ANTXR2: variants seen among roughly 807,000 people sequenced by gnomAD.
ANTXR2 encodes the protein ANTXR cell adhesion molecule 2.
In ANTXR2, 44 loss-of-function variants were observed where a neutral mutation model predicts 73.7. That is an observed-to-expected ratio of 0.60 (90% CI 0.47 to 0.77). The LOEUF (loss-of-function observed/expected upper bound fraction) is 0.77. Among genes scored for constraint, ANTXR2 ranks in the 30% least tolerant of loss-of-function variants. The pLI is 0.00. For missense variants in ANTXR2, 604 were observed against 592.5 expected, an observed-to-expected ratio of 1.02 and a Z score of -0.20; for synonymous variants, 217 against 205.9, an observed-to-expected ratio of 1.05 and a Z score of -0.46.
chr4:80,015,921 GAA>G (rs753095421), intron 11 of ANTXR2, among the ~76,000 whole-genome samples: 668 of 24,702 alleles, frequency 0.027, 8 homozygotes, highest in African/African-American at 0.042. Flanking sequence ...GAAAGGAAAG[GAA>G]AAAGGAAAGG....
At chr4:79,992,096 C>T (rs777764976) in intron 12 of ANTXR2, among the ~76,000 whole-genome samples, 5 of 151,720 alleles carry the variant, frequency 3.3e-5, no homozygotes, top group Admixed American at 6.6e-5. Flanking sequence ...GTACATGTAC[C>T]CCTGAACCTA....
At chr4:79,979,987 A>C (rs1277872499) in intron 14 of ANTXR2, among the ~76,000 whole-genome samples, 1 of 152,162 alleles carries the variant, frequency 6.6e-6, no homozygotes, top group Non-Finnish European at 1.5e-5. Flanking sequence ...TCTCTCGCCT[A>C]TGTTTCACAG....
intron 10 of ANTXR2, among the ~76,000 whole-genome samples, chr4:80,020,555 ATAG>A (rs1212284446): frequency 6.6e-6 from 1 of 152,178 alleles, no homozygotes; most frequent in East Asian, 1.9e-4. Context: ...CTTGAAGTAA[ATAG>A]TAGTTTCACA....
chr4:79,963,160 T>C (rs936487447), intron 16 of ANTXR2, among the ~76,000 whole-genome samples: 20 of 152,166 alleles, frequency 1.3e-4, no homozygotes, highest in South Asian at 2.1e-4. Context: ...CTTGAGAAGG[T>C]TGTAATCATT....
intron 16 of ANTXR2, among the ~76,000 whole-genome samples, chr4:79,976,102 C>T (rs963213081): frequency 9.4e-4 from 143 of 151,842 alleles, no homozygotes; most frequent in Middle Eastern, 3.4e-3. Context: ...TTAGTAGAGA[C>T]GGGGTTTCTC....
At chr4:79,918,299 T>G (rs554532127) in intron 16 of ANTXR2, among the ~76,000 whole-genome samples, 4 of 151,990 alleles carry the variant, frequency 2.6e-5, no homozygotes, top group African/African-American at 9.6e-5. Flanking sequence ...ACTTGAAAAA[T>G]AAATGCTCAG....
At chr4:79,956,963 G>A (rs773890757) in intron 16 of ANTXR2, among the ~76,000 whole-genome samples, 20 of 152,010 alleles carry the variant, frequency 1.3e-4, no homozygotes, top group Admixed American at 2.6e-4. Context: ...TAGGAAAAAA[G>A]TGTTCTTTCA....
intron 11 of ANTXR2, among the ~76,000 whole-genome samples, chr4:80,017,822 A>C (rs1053768039): frequency 1.3e-4 from 20 of 152,284 alleles, no homozygotes; most frequent in African/African-American, 4.8e-4. Context: ...AAATTGCAAC[A>C]TGCGCTAGAA....
At chr4:79,951,562 A>T (rs914603597) in intron 16 of ANTXR2, among the ~76,000 whole-genome samples, 8 of 150,842 alleles carry the variant, frequency 5.3e-5, no homozygotes, top group African/African-American at 1.9e-4. Context: ...GGGGACAGAG[A>T]GAGACTCTAT....
At chr4:79,919,058 C>G (rs1727466301) in intron 16 of ANTXR2, among the ~76,000 whole-genome samples, 1 of 151,522 alleles carries the variant, frequency 6.6e-6, no homozygotes, top group South Asian at 2.1e-4. Flanking sequence ...AAAAAGATAA[C>G]AGAGGAGATA....
chr4:79,920,718 C>G (rs1191083617), intron 16 of ANTXR2, among the ~76,000 whole-genome samples: 1 of 152,112 alleles, frequency 6.6e-6, no homozygotes, highest in East Asian at 1.9e-4. Context: ...TCTTACTATA[C>G]AAAGCCTGGT....
chr4:79,995,162 T>C (rs945284735), intron 12 of ANTXR2, among the ~76,000 whole-genome samples: 1 of 152,038 alleles, frequency 6.6e-6, no homozygotes, highest in African/African-American at 2.4e-5. Context: ...TATATGTTGA[T>C]TTTGTAATTT....
intron 12 of ANTXR2, among the ~76,000 whole-genome samples, chr4:79,989,994 A>C (rs2110028826): frequency 6.6e-6 from 1 of 152,074 alleles, no homozygotes; most frequent in South Asian, 2.1e-4. Context: ...AATAGTAAGA[A>C]CCATCTATGA....
In ANTXR2 at chr4:79,983,806, T is replaced by G. The variant is rs540548481; in HGVS notation, c.1179+72A>C. ...TATAATATTGAATTGTGAAAAGTAGTTTCTATGGCTTAATAGCCCTAGAAA... is the reference window on the plus strand; with the variant it reads ...TATAATATTGAATTGTGAAAAGTAGGTTCTATGGCTTAATAGCCCTAGAAA... On this transcript the variant is annotated intron_variant, in intron 14 of 16. Coordinates refer to ENST00000403729, the MANE Select transcript of ANTXR2 (RefSeq NM_058172.6). 2.0e-4 allele frequency: 242 copies of G among 1,182,938 alleles called. 1 individual carries two copies. Among genetic ancestry groups the G allele is most frequent in the Admixed American group, 2.3e-4 (13 of 55,868 alleles). The allele number at this position is 1,182,938 out of a possible 1,614,324, so 73.3% of individuals were successfully genotyped here.
intron 12 of ANTXR2, among the ~76,000 whole-genome samples, chr4:79,990,163 T>C (rs985907614): frequency 6.6e-6 from 1 of 151,932 alleles, no homozygotes; most frequent in Non-Finnish European, 1.5e-5. Context: ...ATAAAAGGCA[T>C]CCAAATAGGA....
At chr4:80,039,717 T>A (rs999618823) in intron 7 of ANTXR2, among the ~76,000 whole-genome samples, 3 of 152,212 alleles carry the variant, frequency 2.0e-5, no homozygotes, top group Non-Finnish European at 2.9e-5. Context: ...TGGAAAGCAG[T>A]TTGGAGATTT....
intron 7 of ANTXR2, among the ~76,000 whole-genome samples, chr4:80,043,839 T>A (rs1439440076): frequency 6.6e-6 from 1 of 151,864 alleles, no homozygotes; most frequent in African/African-American, 2.4e-5. Context: ...AAGCCCAACT[T>A]GAATGAAGCA....
chr4:79,965,158 C>G (rs1021829248), intron 16 of ANTXR2: 1 of 152,184 alleles, frequency 6.6e-6, no homozygotes, highest in Non-Finnish European at 1.5e-5. Context: ...AGTAAATGCG[C>G]GTGACTCTGG....
At chr4:80,035,404 T>C (rs1732905256) in intron 8 of ANTXR2, among the ~76,000 whole-genome samples, 1 of 152,090 alleles carries the variant, frequency 6.6e-6, no homozygotes, top group Non-Finnish European at 1.5e-5. Context: ...AAAGTCAGGT[T>C]AAAATGAACT....
Sources: gnomAD v4.1 joint callset for allele counts (sites outside exome capture counted in the v4.1 genomes callset) on GRCh38, gnomAD v4.1.1 for gene constraint, MANE v1.5 for transcripts, NCBI Gene and HGNC (gene_info 2026-07-23, HGNC 2026-07-21) for gene names.